HLA-F: variants seen among roughly 807,000 people sequenced by gnomAD.
The protein encoded by HLA-F is HLA class I histocompatibility antigen, alpha chain F.
HLA-F carries 46 observed loss-of-function variants against 49.5 expected under a neutral mutation model. That is an observed-to-expected ratio of 0.93 (90% confidence interval 0.73 to 1.19). HLA-F has a LOEUF of 1.19. HLA-F is among the 50% of genes most tolerant of loss of function. HLA-F has a pLI of 0.00. For missense variants in HLA-F, 496 were observed against 579.6 expected (o/e 0.86, Z 1.48); for synonymous variants, 203 against 233.5 (o/e 0.87, Z 1.19).
intron 2 of HLA-F, 65 bp from the exon 3 acceptor site, chr6:29,724,108 C>T (rs1221500803): frequency 6.3e-7 from 1 of 1,592,060 alleles, no homozygotes; most frequent in East Asian, 2.3e-5. Context: ...AGGCCAAAAT[C>T]CCCGCGGGTT....
chr6:29,724,921 G>A (rs1775847944), intron 3 of HLA-F, 110 bp from the exon 4 acceptor site: 6 of 1,255,334 alleles, frequency 4.8e-6, no homozygotes, highest in South Asian at 1.4e-5. Flanking sequence ...TGGGTTCTGT[G>A]CTCCCTTCCC....
intron 3 of HLA-F, chr6:29,735,327 A>G (rs1405127922): frequency 7.5e-6 from 1 of 132,722 alleles, no homozygotes; most frequent in Non-Finnish European, 1.6e-5. Context: ...AGTACTATGT[A>G]TAGTCATATA....
At chr6:29,726,707 C>G in intron 6 of HLA-F, 176 bp from the exon 7 acceptor site, 1 of 1,273,306 alleles carries the variant, frequency 7.9e-7, no homozygotes. Flanking sequence ...ACCAAAGCAT[C>G]GTAGTCAGGA....
In HLA-F at chr6:29,723,906, C is replaced by A; in HGVS notation, c.313C>A (p.Arg105Ser). The stretch of plus-strand genomic sequence containing the variant: ...AGTGGCCCTGAGGAACCTGCTCCGC[C>A]GCTACAACCAGAGCGAGGCTGGTGA... ...DRVALRNLLR[R>S]YNQSEAGSHT... The change falls in exon 2 of 7, where the codon CGC becomes AGC. Residue 105 changes from arginine (R) to serine (S), a missense_variant. Coordinates refer to ENST00000259951, the MANE Select transcript of HLA-F (RefSeq NM_001098479.2). 3 of 1,592,914 alleles carry A rather than the reference C, an allele frequency of 1.9e-6. No individual in the cohort carries two copies. Among genetic ancestry groups the A allele is most frequent in the East Asian group, 2.3e-5 (1 of 43,826 alleles).
intron 3 of HLA-F, among the ~76,000 whole-genome samples, chr6:29,737,415 A>G (rs1777214249): frequency 2.0e-5 from 3 of 152,266 alleles, no homozygotes; most frequent in Admixed American, 6.5e-5. Flanking sequence ...ATAAAAATAT[A>G]CTCTTAAAGG....
In HLA-F at chr6:29,724,256, G is replaced by C; in HGVS notation, c.418G>C (p.Asp140His). 6.2e-7 allele frequency: 1 copy of C among 1,613,248 alleles called. No homozygotes were observed. The highest frequency in any genetic ancestry group is 8.5e-7 in the Non-Finnish European group (1 of 1,180,038). Residue 140 changes from aspartate to histidine, a missense_variant, in exon 3 of 7, where the codon GAC becomes CAC. By Grantham distance (81) the Asp-to-His change is moderately conservative. Coordinates refer to ENST00000259951, the MANE Select transcript of HLA-F (RefSeq NM_001098479.2). Reference sequence around the variant, plus strand: ...CCGCGGGTATCACCAGCACGCGTACGACGGCAAGGATTACATCTCCCTGAA... The same window carrying C: ...CCGCGGGTATCACCAGCACGCGTACCACGGCAAGGATTACATCTCCCTGAA... ...LLRGYHQHAY[D>H]GKDYISLNED...
rs1775755798 is a variant in HLA-F at position 29,724,348 on chromosome 6, A to G, written c.510A>G (p.Ala170=). ...VAQITQRFYE[A]EEYAEEFRTY... ...AGATCACCCAGCGCTTCTATGAGGC[A>G]GAGGAATATGCAGAGGAGTTCAGGA... Residue 170 remains alanine, a synonymous_variant, in exon 3 of 7, where the codon GCA becomes GCG. Coordinates refer to ENST00000259951, the MANE Select transcript of HLA-F (RefSeq NM_001098479.2). The G allele has an allele frequency of 6.2e-7, 1 of 1,613,232 alleles. No homozygotes were observed. The highest frequency in any genetic ancestry group is 2.2e-5 in the East Asian group (1 of 44,874).
At chr6:29,735,124 A>G (rs761293133) in intron 3 of HLA-F, 3 of 151,564 alleles carry the variant, frequency 2.0e-5, no homozygotes, top group Non-Finnish European at 4.4e-5. Flanking sequence ...AACACCAAAA[A>G]TATACATGTT....
chr6:29,727,296 AT>A, downstream of HLA-F: 1 of 611,824 alleles, frequency 1.6e-6, no homozygotes, highest in Non-Finnish European at 2.7e-6. Flanking sequence ...CCATAATATT[AT>A]TTAAAGTCCT....
In HLA-F at chr6:29,724,198, T is replaced by C. The variant is rs1239091871; in HGVS notation, c.360T>C (p.Asn120=). The change falls in exon 3 of 7, where the codon AAT becomes AAC. Residue 120 remains asparagine, a synonymous_variant. Transcript: ENST00000259951. Reference sequence around the variant, plus strand: ...GGTCTCACACCCTCCAGGGAATGAATGGCTGCGACATGGGGCCCGACGGAC... The same window carrying C: ...GGTCTCACACCCTCCAGGGAATGAACGGCTGCGACATGGGGCCCGACGGAC... ...EAGSHTLQGM[N]GCDMGPDGRL... 1 of 1,613,074 alleles carries C rather than the reference T, an allele frequency of 6.2e-7. No individual in the cohort carries two copies. The highest frequency in any genetic ancestry group is 1.7e-5 in the Admixed American group (1 of 60,024).
intron 3 of HLA-F, chr6:29,735,451 T>G (rs1776996549): frequency 6.6e-6 from 1 of 150,606 alleles, no homozygotes; most frequent in Non-Finnish European, 1.5e-5. Context: ...TGACAGTCTT[T>G]TTTTTTCTGA....
chr6:29,724,693 C>A (rs13437375), intron 3 of HLA-F, among the ~76,000 whole-genome samples: 20,550 of 141,218 alleles, frequency 0.15, 1,617 homozygotes, highest in South Asian at 0.24. Context: ...CCTGGAATAC[C>A]GATCCGCGGT....
In HLA-F at chr6:29,724,426, G is replaced by A. The variant is rs775675286; in HGVS notation, c.588G>A (p.Gly196=). The A allele has an allele frequency of 6.2e-7, 1 of 1,613,272 alleles. No homozygotes were observed. The stretch of plus-strand genomic sequence containing the variant: ...TGCTCCGCAGATACTTGGAGAATGG[G>A]AAGGAGACGCTACAGCGCGCAGGTA... The part of the protein sequence containing the change: ...LELLRRYLEN[G]KETLQRADPP... The change falls in exon 3 of 7, where the codon GGG becomes GGA. Residue 196 remains glycine (G), a synonymous_variant. Transcript: ENST00000259951.
At chr6:29,737,738 C>G (rs1777242920) in intron 3 of HLA-F, 2 of 152,244 alleles carry the variant, frequency 1.3e-5, no homozygotes, top group Admixed American at 1.3e-4. Flanking sequence ...CATCAAGCCT[C>G]CTTCCCACCC....
intron 6 of HLA-F, 89 bp downstream of exon 6, chr6:29,726,132 GC>G: frequency 1.6e-6 from 2 of 1,287,558 alleles, no homozygotes; most frequent in Non-Finnish European, 2.3e-6. Flanking sequence ...AGTTCCTCTA[GC>G]CACATCTGTG....
Position 29,723,532 on chromosome 6 carries a change from G to A in HLA-F, c.64+5G>A, listed in dbSNP as rs1280602693. 3 of 1,611,130 alleles carry A rather than the reference G, an allele frequency of 1.9e-6. No individual in the cohort carries two copies. Among genetic ancestry groups the A allele is most frequent in the Non-Finnish European group, 2.5e-6 (3 of 1,179,336 alleles). Reference sequence around the variant, plus strand: ...CCCTGACCGATACTTGGGCGGGTGAGTGCGGGGTCCAGAGAGAAACGGCCT... The same window carrying A: ...CCCTGACCGATACTTGGGCGGGTGAATGCGGGGTCCAGAGAGAAACGGCCT... On this transcript the variant is annotated splice_donor_5th_base_variant and intron_variant, in intron 1 of 6. Coordinates refer to ENST00000259951, the MANE Select transcript of HLA-F (RefSeq NM_001098479.2).
chr6:29,734,742 T>C (rs1321371563), intron 3 of HLA-F, among the ~76,000 whole-genome samples: 2 of 152,210 alleles, frequency 1.3e-5, no homozygotes, highest in African/African-American at 2.4e-5. Context: ...CGCAATGTTA[T>C]GTAGCCATCA....
intron 3 of HLA-F, among the ~76,000 whole-genome samples, chr6:29,732,928 C>T (rs898270632): frequency 6.6e-5 from 10 of 152,164 alleles, no homozygotes; most frequent in Admixed American, 3.3e-4. Context: ...TGGCTCATTC[C>T]TGTAATCCCA....
At position 29,727,081 on chromosome 6, in the gene HLA-F, T is replaced by C; in HGVS notation, c.1235T>C (p.Leu412Pro). The C allele has an allele frequency of 6.2e-7, 1 of 1,613,116 alleles. No homozygotes were observed. ...FNTAFLALQS[L>P]RFGFGFRRGR... Reference sequence around the variant, plus strand: ...ACTGCCTTCTTGGCCTTGCAAAGCCTTCGCTTTGGCTTCGGCTTTAGGAGG... The same window carrying C: ...ACTGCCTTCTTGGCCTTGCAAAGCCCTCGCTTTGGCTTCGGCTTTAGGAGG... The change falls in exon 7 of 7, where the codon CTT becomes CCT. Residue 412 changes from leucine (L) to proline (P), a missense_variant. By Grantham distance (98) the Leu-to-Pro change is moderately conservative. Transcript: ENST00000259951.
Sources: allele counts gnomAD v4.1 joint callset (sites outside exome capture counted in the v4.1 genomes callset), GRCh38; gene constraint gnomAD v4.1.1; transcripts MANE v1.5; gene names NCBI Gene and HGNC (gene_info 2026-07-23, HGNC 2026-07-21).